The following CNGB1 variants were observed in gnomAD, a reference collection of about 807,000 sequenced individuals.
The protein encoded by CNGB1 is cyclic nucleotide-gated channel beta-1.
Under a neutral mutation model 151.7 loss-of-function variants are expected in CNGB1, and 126 were observed. That is an observed-to-expected ratio of 0.83 (90% CI 0.72 to 0.96). The LOEUF is 0.96. Among genes scored for constraint, CNGB1 ranks in the 40% least tolerant of loss-of-function variants. The pLI, the probability that CNGB1 is intolerant of heterozygous loss-of-function variation, is 0.00. For synonymous variants in CNGB1, 623 were observed against 635.1 expected, an observed-to-expected ratio of 0.98 and a Z score of 0.29; for missense variants, 1,698 against 1,627.0, an observed-to-expected ratio of 1.04 and a Z score of -0.75.
chr16:57,899,955 G>C (rs1960343008), intron 29 of CNGB1, among the ~76,000 whole-genome samples: 1 of 152,166 alleles, frequency 6.6e-6, no homozygotes, highest in African/African-American at 2.4e-5. Flanking sequence ...TGCAATCACA[G>C]ACTCTAGATT....
intron 31 of CNGB1, among the ~76,000 whole-genome samples, chr16:57,891,812 C>T (rs952976892): frequency 6.6e-6 from 1 of 152,202 alleles, no homozygotes; most frequent in South Asian, 2.1e-4. Flanking sequence ...CCACCTCAGC[C>T]TCCCAAAGTG....
chr16:57,919,050 C>G (rs535605882), intron 20 of CNGB1, 49 bp downstream of exon 20: 15 of 1,613,632 alleles, frequency 9.3e-6, no homozygotes, highest in Non-Finnish European at 1.3e-5. Flanking sequence ...CTCCAACTCT[C>G]CTGCTCTCTC....
chr16:57,926,206 C>T lies in CNGB1; in HGVS notation c.1536-2826G>A, dbSNP rs566470336. Among the ~76,000 whole-genome samples, 7 of 152,300 alleles carry T rather than the reference C, an allele frequency of 4.6e-5. No individual in the cohort carries two copies. The South Asian group carries it at 1.5e-3, about 32-fold the overall frequency. On this transcript the variant is annotated intron_variant, in intron 17 of 32. Transcript: ENST00000251102. ...GCCTCTGAGAACACACCCTGGGGCC[C>T]AGCCCAAACCTGCTGACATCTGCAC...
At chr16:57,892,899 A>T (rs748704229) in intron 31 of CNGB1, among the ~76,000 whole-genome samples, 4 of 152,114 alleles carry the variant, frequency 2.6e-5, no homozygotes, top group African/African-American at 4.8e-5. Context: ...GCTCTCCGTC[A>T]CTTCCCGCTC....
At chr16:57,958,365 C>G (rs1364266102) in intron 11 of CNGB1, 45 bp downstream of exon 11, 4 of 1,579,568 alleles carry the variant, frequency 2.5e-6, no homozygotes, top group Middle Eastern at 1.7e-4. Flanking sequence ...CCCAAGACCC[C>G]TCCCACCACC....
At chr16:57,933,352 G>A (rs1961409912) in intron 16 of CNGB1, among the ~76,000 whole-genome samples, 1 of 152,172 alleles carries the variant, frequency 6.6e-6, no homozygotes, top group African/African-American at 2.4e-5. Flanking sequence ...CCTTGTTCTT[G>A]TACATGCCAG....
chr16:57,888,811 G>A (rs1476155314), intron 31 of CNGB1, among the ~76,000 whole-genome samples: 1 of 152,036 alleles, frequency 6.6e-6, no homozygotes, highest in Non-Finnish European at 1.5e-5. Flanking sequence ...TTTCACATAG[G>A]GAATTGGGAA....
intron 22 of CNGB1, 48 bp downstream of exon 22, chr16:57,916,081 C>T (rs370968164): frequency 1.9e-6 from 3 of 1,599,116 alleles, no homozygotes; most frequent in Non-Finnish European, 1.7e-6. Flanking sequence ...CTGAGGCACC[C>T]CCTTCTGAAA....
chr16:57,896,879 G>A (rs961988511), intron 31 of CNGB1, among the ~76,000 whole-genome samples: 4 of 152,068 alleles, frequency 2.6e-5, no homozygotes, highest in African/African-American at 9.7e-5. Flanking sequence ...TACAATATGT[G>A]ATCCTAGACC....
At chr16:57,950,323 A>G in intron 13 of CNGB1, 58 bp downstream of exon 13, 1 of 1,602,024 alleles carries the variant, frequency 6.2e-7, no homozygotes, top group Non-Finnish European at 8.6e-7. Flanking sequence ...AAGGTACTGC[A>G]TGCTTGGCAC....
intron 12 of CNGB1, among the ~76,000 whole-genome samples, chr16:57,954,084 T>A (rs1456165608): frequency 1.3e-5 from 2 of 152,170 alleles, no homozygotes; most frequent in African/African-American, 4.8e-5. Context: ...TCACCTTCAA[T>A]GGCTCCCCAT....
At chr16:57,927,060 T>C (rs771787349) in intron 17 of CNGB1, among the ~76,000 whole-genome samples, 2 of 152,202 alleles carry the variant, frequency 1.3e-5, no homozygotes, top group Non-Finnish European at 2.9e-5. Context: ...AATGAGGACC[T>C]AAGCTGGCAG....
intron 31 of CNGB1, among the ~76,000 whole-genome samples, chr16:57,892,261 C>T (rs865942014): frequency 7.2e-5 from 11 of 152,022 alleles, no homozygotes; most frequent in Admixed American, 3.3e-4. Flanking sequence ...TTGATCTTGG[C>T]GTTGCAAGTC....
At chr16:57,949,136 G>C (rs541079302) in intron 14 of CNGB1, among the ~76,000 whole-genome samples, 8 of 152,134 alleles carry the variant, frequency 5.3e-5, no homozygotes, top group Admixed American at 6.5e-5. Flanking sequence ...GTGTGTGTGG[G>C]GGGGGATGTG....
At chr16:57,954,853 C>T (rs772811732) in intron 12 of CNGB1, 20 of 999,996 alleles carry the variant, frequency 2.0e-5, no homozygotes, top group Admixed American at 5.5e-5. Context: ...GCTGTGCACG[C>T]GTCCTCTCAA....
At chr16:57,916,573 A>G (rs1960872784) in intron 21 of CNGB1, among the ~76,000 whole-genome samples, 1 of 152,190 alleles carries the variant, frequency 6.6e-6, no homozygotes, top group African/African-American at 2.4e-5. Context: ...TCCAAGGAAA[A>G]TCGTTTACAG....
At chr16:57,905,668 C>A (rs1960530687) in intron 25 of CNGB1, among the ~76,000 whole-genome samples, 1 of 152,274 alleles carries the variant, frequency 6.6e-6, no homozygotes, top group South Asian at 2.1e-4. Context: ...GCTGCGAGGG[C>A]TTTGCCCTCA....
intron 17 of CNGB1, among the ~76,000 whole-genome samples, chr16:57,928,703 T>C (rs994276834): frequency 1.3e-5 from 2 of 152,204 alleles, no homozygotes; most frequent in Non-Finnish European, 2.9e-5. Flanking sequence ...AATGGCATGA[T>C]CTTGGCTCAC....
rs3217335 is a variant in CNGB1 at position 57,923,259 on chromosome 16, CA to C, written c.1643+13del. ...GCAGTCTTTCAATTTTCTGAGACCC[CA>C]GAGGGGTCTCACTCAGTGTCCTTCG... On this transcript the variant is annotated intron_variant, in intron 18 of 32. Transcript: ENST00000251102. 21,971 of 1,597,408 alleles carry C rather than the reference CA, an allele frequency of 0.014. 768 individuals carry two copies. Among genetic ancestry groups the C allele is most frequent in the South Asian group, 0.095 (8,564 of 90,522 alleles).
Sources: allele counts gnomAD v4.1 joint callset (sites outside exome capture counted in the v4.1 genomes callset), GRCh38; gene constraint gnomAD v4.1.1; transcripts MANE v1.5; gene names NCBI Gene and HGNC (gene_info 2026-07-23, HGNC 2026-07-21).